GABRB3: variants seen among roughly 807,000 people sequenced by gnomAD.
The protein encoded by GABRB3 is gamma-aminobutyric acid receptor subunit beta-3.
In GABRB3, 14 loss-of-function variants were observed where a neutral mutation model predicts 52.1. That is an observed-to-expected ratio of 0.27 (90% CI 0.18 to 0.42). The LOEUF (loss-of-function observed/expected upper bound fraction) is 0.42. Among genes scored for constraint, GABRB3 ranks in the 10% least tolerant of loss-of-function variants. The pLI is 1.00. For synonymous variants in GABRB3, 260 were observed against 232.3 expected (o/e 1.12, Z -1.08); for missense variants, 307 against 609.1 (o/e 0.50, Z 5.22).
intron 3 of GABRB3, 115 bp downstream of exon 3, chr15:26,772,287 G>T: frequency 2.2e-6 from 2 of 914,062 alleles, no homozygotes. Context: ...TCCCTCTGCG[G>T]ACCGGGGAAA....
At chr15:26,650,869 C>T (rs1000756318) in intron 3 of GABRB3, among the ~76,000 whole-genome samples, 12 of 152,214 alleles carry the variant, frequency 7.9e-5, no homozygotes, top group Middle Eastern at 3.4e-3. Flanking sequence ...AGAGAAGAGG[C>T]GATCAGGCTT....
intron 4 of GABRB3, chr15:26,614,409 G>A (rs1376606445): frequency 6.6e-6 from 1 of 152,108 alleles, no homozygotes; most frequent in Non-Finnish European, 1.5e-5. Flanking sequence ...TTTGAGAGAT[G>A]AAGAAAATGG....
intron 3 of GABRB3, among the ~76,000 whole-genome samples, chr15:26,631,329 G>A (rs531620637): frequency 6.6e-6 from 1 of 152,296 alleles, no homozygotes; most frequent in African/African-American, 2.4e-5. Context: ...AAATCTCTTG[G>A]CGTTTATGAC....
chr15:26,562,168 G>A (rs145538408), intron 7 of GABRB3, among the ~76,000 whole-genome samples: 2,624 of 152,250 alleles, frequency 0.017, 34 homozygotes, highest in Non-Finnish European at 0.023. Flanking sequence ...GTTAAGTTAC[G>A]CTGCGCTTAC....
chr15:26,713,830 C>A (rs901467961), intron 3 of GABRB3, among the ~76,000 whole-genome samples: 2 of 152,194 alleles, frequency 1.3e-5, no homozygotes, highest in African/African-American at 4.8e-5. Flanking sequence ...GTGTGCTGTA[C>A]CTCAGCAAAC....
At chr15:26,741,291 A>T (rs763333719) in intron 3 of GABRB3, among the ~76,000 whole-genome samples, 15 of 152,178 alleles carry the variant, frequency 9.9e-5, no homozygotes, top group Non-Finnish European at 1.9e-4. Context: ...CAGAGAAGAA[A>T]AAAAGGAAAA....
intron 4 of GABRB3, among the ~76,000 whole-genome samples, chr15:26,607,992 C>A (rs1157794770): frequency 6.6e-6 from 1 of 151,450 alleles, no homozygotes; most frequent in Non-Finnish European, 1.5e-5. Context: ...AAACAAAAAA[C>A]CCAAAATAGC....
At chr15:26,677,175 GA>G in intron 3 of GABRB3, among the ~76,000 whole-genome samples, 1 of 152,296 alleles carries the variant, frequency 6.6e-6, no homozygotes, top group Non-Finnish European at 1.5e-5. Context: ...AAAAGGGCAG[GA>G]CTGAAAACAG....
intron 3 of GABRB3, chr15:26,624,137 T>C: frequency 2.1e-6 from 2 of 946,702 alleles, no homozygotes; most frequent in Non-Finnish European, 2.5e-6. Flanking sequence ...TCTCGGACAC[T>C]GGGCTGATGC....
At chr15:26,579,832 GAGA>G (rs1432735989) in intron 6 of GABRB3, among the ~76,000 whole-genome samples, 1 of 152,158 alleles carries the variant, frequency 6.6e-6, no homozygotes, top group Non-Finnish European at 1.5e-5. Context: ...GTAACATCAG[GAGA>G]AGATGACCAT....
chr15:26,700,184 G>A (rs1252334917), intron 3 of GABRB3, among the ~76,000 whole-genome samples: 1 of 152,098 alleles, frequency 6.6e-6, no homozygotes, highest in Non-Finnish European at 1.5e-5. Context: ...GCCTACAGAT[G>A]TCAAAAAGAA....
At chr15:26,675,859 G>T (rs1255098433) in intron 3 of GABRB3, among the ~76,000 whole-genome samples, 1 of 152,198 alleles carries the variant, frequency 6.6e-6, no homozygotes, top group African/African-American at 2.4e-5. Context: ...AGATACCGAA[G>T]ACAGTCAGAT....
At chr15:26,773,555 G>C, upstream of GABRB3, 1 of 1,024,388 alleles carries the variant, frequency 9.8e-7, no homozygotes, top group Non-Finnish European at 1.4e-6. Context: ...CGCAGCCCGA[G>C]AGCCCCCGGG....
chr15:26,663,226 C>T (rs1372735707), intron 3 of GABRB3, among the ~76,000 whole-genome samples: 1 of 152,190 alleles, frequency 6.6e-6, no homozygotes, highest in African/African-American at 2.4e-5. Flanking sequence ...CTAATCCCAA[C>T]CCTGGCAATG....
chr15:26,632,450 G>T (rs758885974), intron 3 of GABRB3, among the ~76,000 whole-genome samples: 4 of 152,198 alleles, frequency 2.6e-5, no homozygotes, highest in Non-Finnish European at 5.9e-5. Context: ...GCATAGGATA[G>T]GAATTATTTT....
intron 3 of GABRB3, chr15:26,625,004 AATT>A (rs1209998169): frequency 1.0e-6 from 1 of 977,232 alleles, no homozygotes; most frequent in Non-Finnish European, 1.2e-6. Context: ...CAGGTATTAT[AATT>A]ATTATCCTAT....
At chr15:26,566,840 A>G (rs1459722509) in intron 7 of GABRB3, among the ~76,000 whole-genome samples, 3 of 152,184 alleles carry the variant, frequency 2.0e-5, no homozygotes, top group Middle Eastern at 3.2e-3. Flanking sequence ...ATCAATTTTT[A>G]TAAGTACTAC....
chr15:26,626,019 C>T (rs1268980013), intron 3 of GABRB3, among the ~76,000 whole-genome samples: 1 of 152,190 alleles, frequency 6.6e-6, no homozygotes, highest in Non-Finnish European at 1.5e-5. Context: ...GGCAACCCAG[C>T]GTTGAGCATG....
At chr15:26,641,136 C>A (rs1426609028) in intron 3 of GABRB3, among the ~76,000 whole-genome samples, 2 of 152,204 alleles carry the variant, frequency 1.3e-5, no homozygotes, top group Non-Finnish European at 2.9e-5. Context: ...GAGTGGCGAA[C>A]ATCTATGAAG....
Sources: allele counts gnomAD v4.1 joint callset (sites outside exome capture counted in the v4.1 genomes callset), GRCh38; gene constraint gnomAD v4.1.1; transcripts MANE v1.5; gene names NCBI Gene and HGNC (gene_info 2026-07-23, HGNC 2026-07-21).